The following CELF6 variants were observed in gnomAD, a reference collection of about 807,000 sequenced individuals.
CELF6 encodes CUGBP Elav-like family member 6.
CELF6 carries 32 observed loss-of-function variants against 53.1 expected under a neutral mutation model. That is an observed-to-expected ratio of 0.60 (90% CI 0.46 to 0.81). CELF6 has a LOEUF of 0.81. Among genes scored for constraint, CELF6 ranks in the 30% least tolerant of loss-of-function variants. CELF6 has a pLI of 0.00. For missense variants in CELF6, 539 were observed against 669.5 expected (o/e 0.81, Z 2.15); for synonymous variants, 291 against 288.8 (o/e 1.01, Z -0.08).
At chr15:72,297,857 A>G (rs2088100189) in intron 3 of CELF6, among the ~76,000 whole-genome samples, 1 of 152,210 alleles carries the variant, frequency 6.6e-6, no homozygotes, top group Non-Finnish European at 1.5e-5. Flanking sequence ...GTACCCCTAA[A>G]AGTGTTATGA....
rs1025345719 is a variant in CELF6 at position 72,286,049 on chromosome 15, T to C, written c.*322A>G. ...GGTCCCTAAACTCTAAGGAATGATA[T>C]GATTTTGAAAGAAGTAAATCTGGGC... On this transcript the variant is annotated 3_prime_UTR_variant, in exon 13 of 13. Coordinates refer to ENST00000287202, the MANE Select transcript of CELF6 (RefSeq NM_052840.5). 5.9e-5 allele frequency: 9 copies of C among 152,690 alleles called. No homozygotes were observed. Among genetic ancestry groups the C allele is most frequent in the Admixed American group, 2.0e-4 (3 of 15,290 alleles). The allele number at this position is 152,690 out of a possible 1,614,324, so 9.5% of individuals were successfully genotyped here.
chr15:72,319,857 T>TC lies in CELF6; in HGVS notation c.17dup (p.Gly7ArgfsTer122). ...CGGGGCCAGCGGGCTGCGCTGACCC[T>TC]CCCGGCGCCGCGGCCATGTCCCCGC... On this transcript the variant is annotated frameshift_variant, in exon 1 of 13. Coordinates refer to ENST00000287202, the MANE Select transcript of CELF6 (RefSeq NM_052840.5). LOFTEE classifies it high-confidence loss of function. This position sits in a 1 kb window ranked among gnomAD's most constrained non-coding sequence, Gnocchi z 5.0. 6.6e-7 allele frequency: 1 copy of TC among 1,514,020 alleles called. No homozygotes were observed. Among genetic ancestry groups the TC allele is most frequent in the Non-Finnish European group, 8.8e-7 (1 of 1,130,792 alleles). The allele number at this position is 1,514,020 out of a possible 1,614,324, so 93.8% of individuals were successfully genotyped here. A position where few individuals can be genotyped will look rare whatever the true frequency, so the allele number is the denominator to read the frequency against.
At chr15:72,295,270 G>A (rs1260104489) in intron 3 of CELF6, among the ~76,000 whole-genome samples, 1 of 151,876 alleles carries the variant, frequency 6.6e-6, no homozygotes, top group Non-Finnish European at 1.5e-5. Flanking sequence ...GGGAGGTGGA[G>A]GTTTGCAGTG....
chr15:72,304,663 A>T (rs1229097240), intron 3 of CELF6, 83 bp downstream of exon 3: 1 of 1,282,726 alleles, frequency 7.8e-7, no homozygotes, highest in Non-Finnish European at 1.1e-6. Flanking sequence ...CTCTCATACT[A>T]AATGGGTAGG....
At position 72,307,999 on chromosome 15, in the gene CELF6, G is replaced by A. The variant is rs1156580385; in HGVS notation, c.346-3205C>T. Among the ~76,000 whole-genome samples the A allele has an allele frequency of 2.0e-5, 3 of 152,314 alleles. No individual in the cohort carries two copies. In the East Asian group the frequency reaches 5.8e-4, roughly 29 times the overall value. ...GGAGCTGCAAGCCTGAAGGAGCAAA[G>A]TTTCTAGTGAGCACTTGGCATGGGA... On this transcript the variant is annotated intron_variant, in intron 2 of 12. Transcript: ENST00000287202.
Position 72,289,369 on chromosome 15 carries a change from C to G in CELF6, c.880+6G>C. On this transcript the variant is annotated splice_donor_region_variant and intron_variant, in intron 7 of 12. Coordinates refer to ENST00000287202, the MANE Select transcript of CELF6 (RefSeq NM_052840.5). This position sits in a 1 kb window ranked among gnomAD's most constrained non-coding sequence, Gnocchi z 7.6. ...CCAGGCGCGCCCCAGTCCCTGGGGG[C>G]CGTACCTGCCGCGGGCAACAGAGGC... The G allele has an allele frequency of 6.5e-7, 1 of 1,549,336 alleles. No homozygotes were observed. Among genetic ancestry groups the G allele is most frequent in the African/African-American group, 1.3e-5 (1 of 74,090 alleles).
intron 3 of CELF6, among the ~76,000 whole-genome samples, chr15:72,304,396 C>T (rs1328469255): frequency 1.3e-5 from 2 of 152,110 alleles, no homozygotes; most frequent in Non-Finnish European, 2.9e-5. Context: ...AGGAGAATAA[C>T]CCCCACCTGA....
At chr15:72,304,827 C>T (rs372920185) in intron 2 of CELF6, 33 bp from the exon 3 acceptor site, 63 of 1,610,364 alleles carry the variant, frequency 3.9e-5, no homozygotes, top group African/African-American at 5.3e-5. Context: ...ACCCATTCAG[C>T]GTGACTGCCT....
chr15:72,289,894 C>T lies in CELF6; in HGVS notation c.603+45G>A, dbSNP rs1276268266. The stretch of plus-strand genomic sequence containing the variant: ...CACACTCGGGGAGGAGAAGCCCGTC[C>T]CCACCCCACTGGCCTCACCCTCAGC... On this transcript the variant is annotated intron_variant, in intron 5 of 12. Transcript: ENST00000287202. This position sits in a 1 kb window ranked among gnomAD's most constrained non-coding sequence, Gnocchi z 7.6. 4 of 1,533,742 alleles carry T rather than the reference C, an allele frequency of 2.6e-6. No homozygotes were observed. Among genetic ancestry groups the T allele is most frequent in the Non-Finnish European group, 1.8e-6 (2 of 1,142,764 alleles).
Position 72,292,817 on chromosome 15 carries a change from C to T in CELF6, c.395-2562G>A, listed in dbSNP as rs1037245430. 1.1e-4 allele frequency among the ~76,000 whole-genome samples: 17 copies of T among 152,254 alleles called. No homozygotes were observed. In the East Asian group the frequency reaches 1.3e-3, roughly 12 times the overall value. ...CCAAGGTGGGCTGATCACTTGAGGT[C>T]GGGGGTTTGAGACCAGCCTGGCCAA... On this transcript the variant is annotated intron_variant, in intron 3 of 12. Transcript: ENST00000287202.
rs770906804 is a variant in CELF6, at chr15:72,290,144, G to C, written c.506C>G (p.Pro169Arg). The change falls in exon 4 of 13, where the codon CCT becomes CGT. Residue 169 changes from proline (P) to arginine (R), a missense_variant. Pro to Arg is a moderately radical substitution (Grantham distance 103). Coordinates refer to ENST00000287202, the MANE Select transcript of CELF6 (RefSeq NM_052840.5). The part of the protein sequence containing the change: ...HIEECTVLRS[P>R]DGTSKGCAFV... ...CAGGTCACCTTTACTGGTGCCGTCA[G>C]GACTCCGCAGGACCGTGCACTCCTC... 9 of 1,613,996 alleles carry C rather than the reference G, an allele frequency of 5.6e-6. No individual in the cohort carries two copies. The Admixed American group carries it at 6.7e-5, about 12-fold the overall frequency.
intron 3 of CELF6, among the ~76,000 whole-genome samples, chr15:72,301,345 C>T (rs989169784): frequency 2.0e-5 from 3 of 152,106 alleles, no homozygotes; most frequent in Admixed American, 6.5e-5. Flanking sequence ...GGTTACCTAC[C>T]TGGGCTCCTG....
intron 3 of CELF6, among the ~76,000 whole-genome samples, chr15:72,300,831 C>G (rs749140042): frequency 1.3e-5 from 2 of 150,386 alleles, no homozygotes; most frequent in Non-Finnish European, 3.0e-5. Context: ...GAAACTCCAT[C>G]TCAAAAAGAA....
In CELF6 at chr15:72,289,400, T is replaced by A. The variant is rs747528734; in HGVS notation, c.855A>T (p.Val285=). The part of the protein sequence containing the change: ...QMQHVAAFSL[V]AAPLLPAAAA... ...CTGCCGCGGGCAACAGAGGCGCAGC[T>A]ACCAGGCTAAAGGCCGCCACGTGTT... The change falls in exon 7 of 13, where the codon GTA becomes GTT. Residue 285 remains valine (V), a synonymous_variant. Coordinates refer to ENST00000287202, the MANE Select transcript of CELF6 (RefSeq NM_052840.5). This position sits in a 1 kb window ranked among gnomAD's most constrained non-coding sequence, Gnocchi z 7.6. The A allele has an allele frequency of 9.0e-6, 14 of 1,555,730 alleles. No individual in the cohort carries two copies. In the South Asian group the frequency reaches 1.5e-4, roughly 17 times the overall value.
At position 72,289,599 on chromosome 15, in the gene CELF6, C is replaced by T. The variant is rs1290057091; in HGVS notation, c.747+28G>A. 2.7e-6 allele frequency: 4 copies of T among 1,481,212 alleles called. No homozygotes were observed. The highest frequency in any genetic ancestry group is 3.6e-6 in the Non-Finnish European group (4 of 1,123,640). The allele number at this position is 1,481,212 out of a possible 1,614,324, so 91.8% of individuals were successfully genotyped here. ...CAGGCCTGGCCCACCCACCTGCGCG[C>T]CCTCGCACGCAGGTGCCCGGTACCT... On this transcript the variant is annotated intron_variant, in intron 6 of 12. Transcript: ENST00000287202. This position sits in a 1 kb window ranked among gnomAD's most constrained non-coding sequence, Gnocchi z 7.6.
chr15:72,319,832 CG>C lies in CELF6; in HGVS notation c.42del (p.Gly15AlafsTer15). Reference sequence around the variant, plus strand: ...GCGGTGCTGAAACCCAGGCGCGGGCCGGGGCCAGCGGGCTGCGCTGACCCTC... The same window carrying C: ...GCGGTGCTGAAACCCAGGCGCGGGCCGGGCCAGCGGGCTGCGCTGACCCTC... Reference protein sequence around the residue: ...APGGSAQPAGPGPRLGFSTAD... With the variant: ...APGGSAQPAGXGPRLGFSTAD... On this transcript the variant is annotated frameshift_variant, in exon 1 of 13. Transcript: ENST00000287202. LOFTEE classifies it high-confidence loss of function. This position sits in a 1 kb window ranked among gnomAD's most constrained non-coding sequence, Gnocchi z 5.0. 1 of 1,546,730 alleles carries C rather than the reference CG, an allele frequency of 6.5e-7. No homozygotes were observed. The highest frequency in any genetic ancestry group is 2.0e-5 in the Admixed American group (1 of 50,924).
At chr15:72,292,834 C>T (rs2088023942) in intron 3 of CELF6, among the ~76,000 whole-genome samples, 1 of 152,152 alleles carries the variant, frequency 6.6e-6, no homozygotes, top group Non-Finnish European at 1.5e-5. Context: ...TTGAGACCAG[C>T]CTGGCCAACA....
At chr15:72,315,772 G>A in intron 2 of CELF6, 73 bp downstream of exon 2, 2 of 1,028,272 alleles carry the variant, frequency 1.9e-6, no homozygotes, top group South Asian at 1.6e-5. Flanking sequence ...GCCCCCACAT[G>A]CTGCTTTGGC....
Position 72,287,331 on chromosome 15 carries a change from A to G in CELF6, c.1380T>C (p.Phe460=). The change falls in exon 12 of 13, where the codon TTT becomes TTC. Residue 460 remains phenylalanine, a synonymous_variant. Transcript: ENST00000287202. The stretch of plus-strand genomic sequence containing the variant: ...CCTTGAGCCTCTTCATGCCAATTTG[A>G]AAGCCATTCATCGCCTGAATAGCAG... ...AQTAIQAMNG[F]QIGMKRLKVQ... 1 of 1,614,196 alleles carries G rather than the reference A, an allele frequency of 6.2e-7. No individual in the cohort carries two copies. The highest frequency in any genetic ancestry group is 1.1e-5 in the South Asian group (1 of 91,082).
Sources: gnomAD v4.1 joint callset for allele counts (sites outside exome capture counted in the v4.1 genomes callset) on GRCh38, gnomAD v4.1.1 for gene constraint, Gnocchi (gnomAD v3.1) non-coding constraint, MANE v1.5 for transcripts, NCBI Gene and HGNC (gene_info 2026-07-23, HGNC 2026-07-21) for gene names.